Variants in WDR70 observed in about 807,000 individuals in gnomAD.
WDR70 encodes WD repeat domain 70.
A neutral mutation model predicts 88.6 loss-of-function variants in WDR70; 53 were observed. The ratio of observed to expected loss-of-function variants is 0.60; its 90% CI spans 0.48 to 0.75. The LOEUF is 0.75. WDR70 is among the 30% of genes least tolerant of loss of function. The probability of loss-of-function intolerance (pLI) is 0.00; values close to 1 mark genes in which losing one functional copy is unlikely to be tolerated. For missense variants in WDR70, 610 were observed against 823.2 expected (o/e 0.74, Z 3.17); for synonymous variants, 280 against 270.0 (o/e 1.04, Z -0.36).
chr5:37,718,339 T>G (rs1747711701), intron 13 of WDR70, among the ~76,000 whole-genome samples: 1 of 152,200 alleles, frequency 6.6e-6, no homozygotes, highest in South Asian at 2.1e-4. Context: ...GGAAACTGCC[T>G]GTTTGGCTGG....
chr5:37,539,652 G>A (rs917576804), intron 9 of WDR70, among the ~76,000 whole-genome samples: 2 of 152,306 alleles, frequency 1.3e-5, no homozygotes, highest in Non-Finnish European at 1.5e-5. Flanking sequence ...TTGCACACAT[G>A]TACAAACCTG....
At chr5:37,701,617 C>G (rs976216123) in intron 12 of WDR70, among the ~76,000 whole-genome samples, 1 of 151,842 alleles carries the variant, frequency 6.6e-6, no homozygotes, top group Admixed American at 6.6e-5. Flanking sequence ...GGTGAAACCC[C>G]GTCTCTACTA....
At chr5:37,533,242 C>T (rs1741553149) in intron 9 of WDR70, among the ~76,000 whole-genome samples, 1 of 152,188 alleles carries the variant, frequency 6.6e-6, no homozygotes, top group Non-Finnish European at 1.5e-5. Flanking sequence ...TGGTTGGCCT[C>T]CAGCCAGGAG....
At chr5:37,381,765 G>A in intron 3 of WDR70, 80 bp downstream of exon 3, 2 of 1,466,528 alleles carry the variant, frequency 1.4e-6, no homozygotes, top group Non-Finnish European at 1.9e-6. Flanking sequence ...AAAGAGAAAA[G>A]AATGTTGGCT....
intron 9 of WDR70, among the ~76,000 whole-genome samples, chr5:37,557,152 A>G (rs1423418367): frequency 1.3e-5 from 2 of 151,408 alleles, no homozygotes; most frequent in Admixed American, 6.6e-5. Context: ...AATGAAATCT[A>G]TGGCCAGCCA....
Position 37,563,695 on chromosome 5 carries a change from C to T in WDR70, c.918-41369C>T, listed in dbSNP as rs10059736. ...CTCCCTCCCGGACGGGGCGGCTGGC[C>T]GGGCGGGGGGCTGACCCCCACCTCC... On this transcript the variant is annotated intron_variant, in intron 9 of 17. Coordinates refer to ENST00000265107, the MANE Select transcript of WDR70 (RefSeq NM_018034.4). Among the ~76,000 whole-genome samples, 144 of 101,702 alleles carry T rather than the reference C, an allele frequency of 1.4e-3. 8 individuals are homozygous for T. Among genetic ancestry groups the T allele is most frequent in the African/African-American group, 7.5e-3 (128 of 17,040 alleles). 66.7% of individuals were successfully genotyped at this position (101,702 alleles called of 152,430 possible). A position where few individuals can be genotyped will look rare whatever the true frequency, so the allele number is the denominator to read the frequency against.
chr5:37,437,927 T>C lies in WDR70; in HGVS notation c.498T>C (p.Pro166=), dbSNP rs375257351. ...EEEEEEEEEN[P]VHKIPDSHEI... is the part of the protein sequence containing the mutation. ...ATGGGGTTTTCTTGTTTCAGAATCC[T>C]GTTCACAAGATTCCTGACTCGCATG... Residue 166 remains proline, a synonymous_variant, in exon 6 of 18, where the codon CCT becomes CCC. Coordinates refer to ENST00000265107, the MANE Select transcript of WDR70 (RefSeq NM_018034.4). The C allele has an allele frequency of 2.5e-6, 4 of 1,607,848 alleles. No individual in the cohort carries two copies. The highest frequency in any genetic ancestry group is 3.4e-6 in the Non-Finnish European group (4 of 1,176,842).
At chr5:37,731,660 T>C (rs1748148181) in intron 17 of WDR70, among the ~76,000 whole-genome samples, 1 of 152,140 alleles carries the variant, frequency 6.6e-6, no homozygotes, top group East Asian at 1.9e-4. Context: ...AAAACAGTCA[T>C]AGTTTAAATT....
At chr5:37,520,119 TA>T (rs985997992) in intron 9 of WDR70, among the ~76,000 whole-genome samples, 1 of 152,130 alleles carries the variant, frequency 6.6e-6, no homozygotes, top group Admixed American at 6.5e-5. Flanking sequence ...TCTTGAAAGT[TA>T]AAAAAATAGG....
intron 9 of WDR70, among the ~76,000 whole-genome samples, chr5:37,588,896 C>G (rs750159712): frequency 2.0e-5 from 3 of 152,058 alleles, no homozygotes; most frequent in Non-Finnish European, 4.4e-5. Flanking sequence ...TCCCTAGTAG[C>G]TGGGATTACA....
At chr5:37,490,894 G>T (rs1740046393) in intron 8 of WDR70, among the ~76,000 whole-genome samples, 1 of 152,072 alleles carries the variant, frequency 6.6e-6, no homozygotes, top group Non-Finnish European at 1.5e-5. Flanking sequence ...CCTCTCAGTG[G>T]GTATGAGGGG....
At chr5:37,405,174 T>C (rs1450810409) in intron 5 of WDR70, among the ~76,000 whole-genome samples, 2 of 152,126 alleles carry the variant, frequency 1.3e-5, no homozygotes, top group Non-Finnish European at 2.9e-5. Flanking sequence ...ATGTAGAATG[T>C]TATGAAGTCA....
chr5:37,742,391 T>C (rs1377540211), intron 17 of WDR70, among the ~76,000 whole-genome samples: 1 of 152,146 alleles, frequency 6.6e-6, no homozygotes, highest in Non-Finnish European at 1.5e-5. Flanking sequence ...GCTATTTGTA[T>C]ATCTTTGGAG....
At chr5:37,703,452 T>G (rs1281105976) in intron 13 of WDR70, among the ~76,000 whole-genome samples, 4 of 152,220 alleles carry the variant, frequency 2.6e-5, no homozygotes, top group African/African-American at 4.8e-5. Flanking sequence ...GATTAATAAG[T>G]GACGAAGTTT....
chr5:37,455,208 A>AT (rs1459231777), intron 7 of WDR70, among the ~76,000 whole-genome samples: 3 of 144,928 alleles, frequency 2.1e-5, no homozygotes, highest in African/African-American at 7.7e-5. Flanking sequence ...TCAGACTACT[A>AT]TTTAAGACTA....
At chr5:37,713,475 TTTTATTTAATAAATATTTAAA>T (rs1172771508) in intron 13 of WDR70, among the ~76,000 whole-genome samples, 76 of 152,166 alleles carry the variant, frequency 5.0e-4, no homozygotes, top group African/African-American at 1.7e-3. Context: ...AAGTTTGATA[TTTTATTTAATAAATATTTAAA>T]TTTATTTAAT....
At chr5:37,701,271 T>A in intron 12 of WDR70, 129 bp downstream of exon 12, 1 of 605,932 alleles carries the variant, frequency 1.7e-6, no homozygotes, top group Non-Finnish European at 2.7e-6. Flanking sequence ...GTGATCAAAA[T>A]CTGTTTTTTG....
chr5:37,703,929 T>G (rs1327771271), intron 13 of WDR70, among the ~76,000 whole-genome samples: 1 of 152,214 alleles, frequency 6.6e-6, no homozygotes, highest in Non-Finnish European at 1.5e-5. Flanking sequence ...TTTCCAGTTG[T>G]TTCAGCTCTT....
At chr5:37,450,141 C>T (rs2112076682) in intron 7 of WDR70, among the ~76,000 whole-genome samples, 1 of 152,256 alleles carries the variant, frequency 6.6e-6, no homozygotes, top group South Asian at 2.1e-4. Flanking sequence ...TTTATCCAGT[C>T]TATCATTGAT....
Sources: gnomAD v4.1 joint callset for allele counts (sites outside exome capture counted in the v4.1 genomes callset) on GRCh38, gnomAD v4.1.1 for gene constraint, MANE v1.5 for transcripts, NCBI Gene and HGNC (gene_info 2026-07-23, HGNC 2026-07-21) for gene names.